The following PCDHA3 variants were observed in gnomAD, a reference collection of about 807,000 sequenced individuals.
PCDHA3 encodes protocadherin alpha 3, also known as protocadherin alpha-3.
In PCDHA3, 41 loss-of-function variants were observed where a neutral mutation model predicts 62.2. The observed-to-expected ratio is 0.66, with a 90% CI of 0.51 to 0.86. The LOEUF is 0.86. PCDHA3 is among the 40% of genes least tolerant of loss of function. The probability of loss-of-function intolerance (pLI) is 0.00; values close to 1 mark genes in which losing one functional copy is unlikely to be tolerated. For missense variants in PCDHA3, 1,304 were observed against 1,241.2 expected, an observed-to-expected ratio of 1.05 and a Z score of -0.76; for synonymous variants, 640 against 555.4, an observed-to-expected ratio of 1.15 and a Z score of -2.14.
At chr5:140,817,320 C>T (rs1331409789) in intron 1 of PCDHA3, 14 of 152,186 alleles carry the variant, frequency 9.2e-5, no homozygotes, top group Non-Finnish European at 1.5e-5. Context: ...GAAAAGTGCC[C>T]AGCTAGTTTT....
intron 1 of PCDHA3, among the ~76,000 whole-genome samples, chr5:140,904,135 G>A (rs1310606905): frequency 6.6e-5 from 10 of 151,986 alleles, no homozygotes; most frequent in Non-Finnish European, 1.0e-4. Context: ...CCCATCACCC[G>A]AGCAGTATAC....
At chr5:140,806,147 G>A (rs952138132) in intron 1 of PCDHA3, among the ~76,000 whole-genome samples, 1 of 152,170 alleles carries the variant, frequency 6.6e-6, no homozygotes, top group African/African-American at 2.4e-5. Context: ...GAAGTTTTAA[G>A]TGGTTATAAA....
intron 1 of PCDHA3, among the ~76,000 whole-genome samples, chr5:140,880,921 T>C (rs187033233): frequency 6.6e-6 from 1 of 152,272 alleles, no homozygotes; most frequent in East Asian, 1.9e-4. Context: ...AGAAATACTA[T>C]GTTAGTAAAA....
At chr5:140,828,037 A>G (rs1320523383) in intron 1 of PCDHA3, 4 of 1,539,206 alleles carry the variant, frequency 2.6e-6, no homozygotes, top group African/African-American at 1.4e-5. Context: ...AACATACAGT[A>G]TTTTATCTTT....
intron 1 of PCDHA3, chr5:140,862,621 C>G (rs1452170238): frequency 1.9e-6 from 1 of 528,602 alleles, no homozygotes; most frequent in Admixed American, 2.0e-5. Context: ...TAACAACCCG[C>G]GGGGCTGCCA....
chr5:140,886,006 G>C (rs2060811194), intron 1 of PCDHA3, among the ~76,000 whole-genome samples: 2 of 152,088 alleles, frequency 1.3e-5, no homozygotes, highest in Non-Finnish European at 2.9e-5. Context: ...AAATAGTAAA[G>C]GGAGATGCTA....
At chr5:141,009,538 C>T (rs1159631714) in intron 3 of PCDHA3, 89 bp from the exon 4 acceptor site, 11 of 1,522,362 alleles carry the variant, frequency 7.2e-6, no homozygotes, top group African/African-American at 1.4e-5. Context: ...GTTCAGCCTG[C>T]CTATGCAGTA....
intron 1 of PCDHA3, chr5:140,825,399 ATTATATATT>A (rs1370061180): frequency 4.1e-5 from 6 of 145,886 alleles, no homozygotes; most frequent in African/African-American, 1.5e-4. Flanking sequence ...TATCTAATAT[ATTATATATT>A]TTATATAATA....
At chr5:140,856,335 G>A in intron 1 of PCDHA3, 1 of 1,598,610 alleles carries the variant, frequency 6.3e-7, no homozygotes, top group Non-Finnish European at 8.6e-7. Context: ...GAGCTGTGCG[G>A]GCGGAGCGTG....
chr5:140,833,968 A>T (rs1772743060), intron 1 of PCDHA3, among the ~76,000 whole-genome samples: 1 of 152,214 alleles, frequency 6.6e-6, no homozygotes, highest in African/African-American at 2.4e-5. Context: ...ACTGTGTGAA[A>T]AAAAAGTTTT....
At chr5:140,967,511 G>T (rs1402187059) in intron 1 of PCDHA3, 2 of 1,612,876 alleles carry the variant, frequency 1.2e-6, no homozygotes, top group Non-Finnish European at 8.5e-7. Flanking sequence ...GCGTGTCCTG[G>T]ACACTAACGA....
At chr5:140,876,510 T>C in intron 1 of PCDHA3, 1 of 1,614,038 alleles carries the variant, frequency 6.2e-7, no homozygotes, top group Non-Finnish European at 8.5e-7. Flanking sequence ...TGAATGACAA[T>C]GTCCCTGAAG....
chr5:140,999,673 T>G (rs2097868835), intron 3 of PCDHA3, among the ~76,000 whole-genome samples: 1 of 152,050 alleles, frequency 6.6e-6, no homozygotes, highest in Non-Finnish European at 1.5e-5. Context: ...TGCGGGGGGC[T>G]CACAGAAAGA....
chr5:140,966,925 A>C (rs782069766), intron 1 of PCDHA3: 1 of 1,603,462 alleles, frequency 6.2e-7, no homozygotes, highest in Non-Finnish European at 8.5e-7. Context: ...AGGAGCAGGC[A>C]CCCGGCGCGC....
chr5:140,902,142 A>T (rs2069127125), intron 1 of PCDHA3, among the ~76,000 whole-genome samples: 1 of 151,120 alleles, frequency 6.6e-6, no homozygotes, highest in African/African-American at 2.4e-5. Flanking sequence ...GCAAACAAGG[A>T]TAATTTGATT....
chr5:140,983,100 T>C (rs2097027056), intron 3 of PCDHA3, among the ~76,000 whole-genome samples: 1 of 152,232 alleles, frequency 6.6e-6, no homozygotes, highest in African/African-American at 2.4e-5. Flanking sequence ...AATCTGCTTC[T>C]CTCTGCACAT....
chr5:140,910,715 A>C (rs2075137767), intron 1 of PCDHA3, among the ~76,000 whole-genome samples: 1 of 152,118 alleles, frequency 6.6e-6, no homozygotes, highest in Admixed American at 6.5e-5. Flanking sequence ...GCCATCTTTT[A>C]ATCCATATTT....
At chr5:140,830,710 C>A in intron 1 of PCDHA3, 1 of 247,822 alleles carries the variant, frequency 4.0e-6, no homozygotes, top group East Asian at 8.1e-5. Flanking sequence ...GAATTTTTGT[C>A]TTCAAACCAA....
intron 1 of PCDHA3, chr5:140,870,238 G>A: frequency 6.2e-7 from 1 of 1,614,162 alleles, no homozygotes; most frequent in Non-Finnish European, 8.5e-7. Context: ...CCGTGACTCA[G>A]GTGTCAACGG....
Sources: allele counts gnomAD v4.1 joint callset (sites outside exome capture counted in the v4.1 genomes callset), GRCh38; gene constraint gnomAD v4.1.1; transcripts MANE v1.5; gene names NCBI Gene and HGNC (gene_info 2026-07-23, HGNC 2026-07-21).